SRSF3: variants seen among roughly 807,000 people sequenced by gnomAD.
SRSF3 encodes the protein serine/arginine-rich splicing factor 3.
For synonymous variants in SRSF3, 87 were observed against 73.6 expected, an observed-to-expected ratio of 1.18 and a Z score of -0.93; for missense variants, 58 against 217.1, an observed-to-expected ratio of 0.27 and a Z score of 4.61.
At position 36,602,680 on chromosome 6, in the gene SRSF3, C is replaced by T. The variant is rs934268164; in HGVS notation, c.*691C>T. The T allele has an allele frequency of 1.1e-4, 24 of 213,796 alleles. No homozygotes were observed. The highest frequency in any genetic ancestry group is 5.2e-4 in the African/African-American group (23 of 44,258). 13.2% of individuals were successfully genotyped at this position (213,796 alleles called of 1,614,324 possible). On this transcript the variant is annotated 3_prime_UTR_variant, in exon 6 of 6. Coordinates refer to ENST00000373715, the MANE Select transcript of SRSF3 (RefSeq NM_003017.5). ...GCCAGTTTAAGGGTACATTGTAGAG[C>T]CGAACTTTGAGTTACTGTGCAAGAT...
intron 5 of SRSF3, 22 bp from the exon 6 acceptor site, chr6:36,601,937 TTTC>T (rs1778723799): frequency 2.5e-6 from 4 of 1,572,362 alleles, no homozygotes; most frequent in African/African-American, 2.8e-5. Context: ...AATGTTTTGT[TTTC>T]TTTTTTTTTT....
chr6:36,598,458 G>T (rs183707897), intron 2 of SRSF3: 231 of 169,808 alleles, frequency 1.4e-3, no homozygotes, highest in Non-Finnish European at 1.6e-3. Context: ...ATCTTGGCTC[G>T]TTGTAACCTC....
chr6:36,597,744 A>C (rs564375109), intron 2 of SRSF3, among the ~76,000 whole-genome samples: 8 of 152,092 alleles, frequency 5.3e-5, no homozygotes, highest in Admixed American at 3.9e-4. Flanking sequence ...GTCACTCTTC[A>C]AATATGATAG....
intron 1 of SRSF3, among the ~76,000 whole-genome samples, 187 bp from the exon 2 acceptor site, chr6:36,596,574 C>CGGGGGGG (rs34650091): frequency 4.3e-5 from 4 of 91,958 alleles, no homozygotes; most frequent in East Asian, 4.3e-4. Context: ...GGCGGGGTGG[C>CGGGGGGG]GGGGGGGGGG....
chr6:36,596,574 C>CGGGGGGGGGGGGG (rs34650091), intron 1 of SRSF3, among the ~76,000 whole-genome samples, 187 bp from the exon 2 acceptor site: 48 of 91,898 alleles, frequency 5.2e-4, no homozygotes, highest in Non-Finnish European at 7.8e-4. Flanking sequence ...GGCGGGGTGG[C>CGGGGGGGGGGGGG]GGGGGGGGGG....
chr6:36,604,411 C>G lies in SRSF3; in HGVS notation c.*2422C>G, dbSNP rs1778778003. On this transcript the variant is annotated 3_prime_UTR_variant, in exon 6 of 6. Coordinates refer to ENST00000373715, the MANE Select transcript of SRSF3 (RefSeq NM_003017.5). Reference sequence around the variant, plus strand: ...ATCTCTTGAAGCCAGGAGTTGGAGACCAGTCTGCCCAACATGGCAAGATTC... The same window carrying G: ...ATCTCTTGAAGCCAGGAGTTGGAGAGCAGTCTGCCCAACATGGCAAGATTC... 1 of 199,380 alleles carries G rather than the reference C, an allele frequency of 5.0e-6. No homozygotes were observed. The highest frequency in any genetic ancestry group is 1.0e-5 in the Non-Finnish European group (1 of 96,542). 12.4% of individuals were successfully genotyped at this position (199,380 alleles called of 1,614,324 possible). A position where few individuals can be genotyped will look rare whatever the true frequency, so the allele number is the denominator to read the frequency against.
chr6:36,597,061 T>TCAC (rs2127504915), intron 2 of SRSF3, 93 bp downstream of exon 2: 1 of 892,154 alleles, frequency 1.1e-6, no homozygotes, highest in East Asian at 2.8e-5. Context: ...GCTTTCCCAA[T>TCAC]CACTGGCCAA....
At chr6:36,600,211 ATT>A (rs1465616288) in intron 3 of SRSF3, 1 of 1,056,832 alleles carries the variant, frequency 9.5e-7, no homozygotes, top group Non-Finnish European at 1.1e-6. Flanking sequence ...TTTTCAGCAA[ATT>A]CTTCCTGGCC....
At chr6:36,600,978 C>CT (rs200592719) in intron 3 of SRSF3, 174 bp from the exon 4 acceptor site, 23 of 431,646 alleles carry the variant, frequency 5.3e-5, no homozygotes, top group South Asian at 1.3e-4. Flanking sequence ...CCTTCTGTGC[C>CT]TTTTTTTTCT....
Position 36,605,582 on chromosome 6 carries a change from T to C in SRSF3, c.*3593T>C, listed in dbSNP as rs1269655542. 6.6e-6 allele frequency: 1 copy of C among 152,194 alleles called. No individual in the cohort carries two copies. Among genetic ancestry groups the C allele is most frequent in the South Asian group, 2.1e-4 (1 of 4,836 alleles). The allele number at this position is 152,194 out of a possible 1,614,324, so 9.4% of individuals were successfully genotyped here. On this transcript the variant is annotated 3_prime_UTR_variant, in exon 6 of 6. Transcript: ENST00000373715. ...CCTTGTTGGACTCTGTACTTAATAA[T>C]ACAGTATTTAGATTCTCATTTAGTA...
At chr6:36,597,731 C>T (rs1206212802) in intron 2 of SRSF3, among the ~76,000 whole-genome samples, 1 of 151,494 alleles carries the variant, frequency 6.6e-6, no homozygotes, top group Non-Finnish European at 1.5e-5. Context: ...CCACCTCTTC[C>T]CAGTCACTCT....
chr6:36,598,767 T>C (rs1041435904), intron 2 of SRSF3, 82 bp from the exon 3 acceptor site: 3 of 1,497,522 alleles, frequency 2.0e-6, no homozygotes, highest in East Asian at 2.3e-5. Context: ...CTTTGCAGAA[T>C]AGCCAACTGA....
intron 2 of SRSF3, 44 bp from the exon 3 acceptor site, chr6:36,598,805 C>T: frequency 6.2e-7 from 1 of 1,602,184 alleles, no homozygotes; most frequent in Non-Finnish European, 8.5e-7. Context: ...ATACGCATGT[C>T]AGAAAGTCAG....
intron 2 of SRSF3, chr6:36,598,596 A>G (rs1778669538): frequency 5.2e-6 from 2 of 386,112 alleles, no homozygotes; most frequent in Non-Finnish European, 9.5e-6. Flanking sequence ...GTTGGCCAAG[A>G]TAGTGTCGAA....
intron 3 of SRSF3, chr6:36,599,716 A>C (rs118174839): frequency 1.1e-6 from 1 of 887,456 alleles, no homozygotes; most frequent in South Asian, 1.3e-5. Flanking sequence ...TGCCCATCAT[A>C]ATAAAGAGTA....
intron 1 of SRSF3, among the ~76,000 whole-genome samples, chr6:36,595,902 A>G (rs1476786076): frequency 1.3e-5 from 2 of 151,966 alleles, no homozygotes; most frequent in East Asian, 3.9e-4. Flanking sequence ...AAATGACCAA[A>G]ATAGGCATTT....
chr6:36,599,016 G>A (rs1778676259), intron 3 of SRSF3, 33 bp downstream of exon 3: 1 of 1,609,772 alleles, frequency 6.2e-7, no homozygotes, highest in Non-Finnish European at 8.5e-7. Flanking sequence ...AGAGGTATTG[G>A]TGTAATGGAG....
In SRSF3 at chr6:36,596,784, T is replaced by C; in HGVS notation, c.22T>C (p.Leu8=). 1 of 1,614,040 alleles carries C rather than the reference T, an allele frequency of 6.2e-7. No individual in the cohort carries two copies. Among genetic ancestry groups the C allele is most frequent in the Non-Finnish European group, 8.5e-7 (1 of 1,179,982 alleles). The change falls in exon 2 of 6, where the codon TTG becomes CTG. Residue 8 remains leucine (L), a synonymous_variant. Coordinates refer to ENST00000373715, the MANE Select transcript of SRSF3 (RefSeq NM_003017.5). ...AGAAATGCATCGTGATTCCTGTCCA[T>C]TGGACTGTAAGGTTTATGTAGGCAA... MHRDSCP[L]DCKVYVGNLG... is the part of the protein sequence containing the mutation.
In SRSF3 at chr6:36,604,541, T is replaced by G. The variant is rs897765641; in HGVS notation, c.*2552T>G. ...AGCAGAAAGTAGGGAAGTTGTAGTT[T>G]TACCAAGCACAGGTACCCTGTGTCT... On this transcript the variant is annotated 3_prime_UTR_variant, in exon 6 of 6. Transcript: ENST00000373715. 1 of 176,730 alleles carries G rather than the reference T, an allele frequency of 5.7e-6. No homozygotes were observed. The highest frequency in any genetic ancestry group is 2.4e-5 in the African/African-American group (1 of 42,312). 10.9% of individuals were successfully genotyped at this position (176,730 alleles called of 1,614,324 possible). A position where few individuals can be genotyped will look rare whatever the true frequency, so the allele number is the denominator to read the frequency against.
Sources: gnomAD v4.1 joint callset for allele counts (sites outside exome capture counted in the v4.1 genomes callset) on GRCh38, gnomAD v4.1.1 for gene constraint, MANE v1.5 for transcripts, NCBI Gene and HGNC (gene_info 2026-07-23, HGNC 2026-07-21) for gene names.